PDE1C: variants seen among roughly 807,000 people sequenced by gnomAD.
PDE1C encodes the protein phosphodiesterase 1C, also known as dual specificity calcium/calmodulin-dependent 3',5'-cyclic nucleotide phosphodiesterase 1C.
Under a neutral mutation model 93.1 loss-of-function variants are expected in PDE1C, and 62 were observed. The observed-to-expected ratio is 0.67, with a 90% CI of 0.54 to 0.82. The LOEUF (loss-of-function observed/expected upper bound fraction) is 0.82. Ranked by LOEUF, PDE1C falls within the 40% of genes least tolerant of loss-of-function variation. The pLI is 0.00. For missense variants in PDE1C, 742 were observed against 884.6 expected (o/e 0.84, Z 2.04); for synonymous variants, 325 against 310.1 (o/e 1.05, Z -0.50).
At chr7:31,854,779 C>T (rs867859411) in intron 7 of PDE1C, among the ~76,000 whole-genome samples, 31 of 152,182 alleles carry the variant, frequency 2.0e-4, no homozygotes, top group Middle Eastern at 3.4e-3. Flanking sequence ...TTAAAGAACA[C>T]TTCCGGGCCT....
intron 2 of PDE1C, among the ~76,000 whole-genome samples, chr7:32,005,705 C>T (rs1367238096): frequency 6.6e-6 from 1 of 151,728 alleles, no homozygotes; most frequent in South Asian, 2.1e-4. Context: ...CTAGAAGGAA[C>T]CACACCCAAA....
chr7:31,693,463 C>T, the PDE1C span, among the ~76,000 whole-genome samples: 1 of 152,156 alleles, frequency 6.6e-6, no homozygotes, highest in African/African-American at 2.4e-5. Flanking sequence ...TCCCAAGAGG[C>T]TGGGTTTAAT....
intron 2 of PDE1C, among the ~76,000 whole-genome samples, chr7:31,985,656 G>A (rs1483529767): frequency 6.6e-6 from 1 of 151,946 alleles, no homozygotes; most frequent in Non-Finnish European, 1.5e-5. Flanking sequence ...CCACCTATGA[G>A]TGAGAACATG....
chr7:31,701,986 G>A, the PDE1C span, among the ~76,000 whole-genome samples: 1 of 152,160 alleles, frequency 6.6e-6, no homozygotes, highest in South Asian at 2.1e-4. Context: ...GGAAGAACCT[G>A]CAAGATCTCT....
chr7:31,892,175 C>T (rs1470475526), intron 2 of PDE1C, among the ~76,000 whole-genome samples: 2 of 152,156 alleles, frequency 1.3e-5, no homozygotes, highest in Non-Finnish European at 2.9e-5. Context: ...TCCTCCAGAT[C>T]CTTCGGCTTG....
intron 17 of PDE1C, among the ~76,000 whole-genome samples, chr7:31,762,932 C>T (rs1216742647): frequency 6.6e-6 from 1 of 152,096 alleles, no homozygotes; most frequent in Non-Finnish European, 1.5e-5. Context: ...TTCCATGCAA[C>T]CTGAAGTTGT....
chr7:31,823,210 C>A lies in PDE1C; in HGVS notation c.1445G>T (p.Gly482Val). The change falls in exon 14 of 18, where the codon GGT becomes GTT. Residue 482 changes from glycine to valine, a missense_variant. By Grantham distance (109) the Gly-to-Val change is moderately radical. This residue lies in a region of PDE1C where 454 missense variants were observed against 459.4 expected (regional missense o/e 0.99). Transcript: ENST00000396191. The part of the protein sequence containing the change: ...SISSSDAKRS[G>V]VKTSGSEGSA... The stretch of plus-strand genomic sequence containing the variant: ...TCCCTCTGAACCAGAGGTCTTGACA[C>A]CTGATCGCTTGGCATCTGACGAGCT... 1.2e-6 allele frequency: 2 copies of A among 1,612,230 alleles called. No individual in the cohort carries two copies. Among genetic ancestry groups the A allele is most frequent in the African/African-American group, 1.3e-5 (1 of 74,902 alleles).
At chr7:32,184,192 T>G (rs1803674017) in intron 2 of PDE1C, among the ~76,000 whole-genome samples, 2 of 152,208 alleles carry the variant, frequency 1.3e-5, no homozygotes, top group South Asian at 4.1e-4. Context: ...ACTTTTACAC[T>G]GTTGGTGGGA....
At chr7:31,675,550 G>A in the PDE1C span, among the ~76,000 whole-genome samples, 1 of 152,070 alleles carries the variant, frequency 6.6e-6, no homozygotes, top group Non-Finnish European at 1.5e-5. Flanking sequence ...GTCTCATGCA[G>A]AGTGGTTTCT....
At chr7:31,767,351 A>G (rs563778277) in intron 17 of PDE1C, among the ~76,000 whole-genome samples, 1 of 152,224 alleles carries the variant, frequency 6.6e-6, no homozygotes, top group African/African-American at 2.4e-5. Context: ...TCATGGGGGT[A>G]GATTTCCCCC....
intron 1 of PDE1C, among the ~76,000 whole-genome samples, chr7:32,324,918 C>T (rs955052745): frequency 1.3e-5 from 2 of 152,108 alleles, no homozygotes; most frequent in South Asian, 2.1e-4. Context: ...CACTGTACTC[C>T]GGCCTGGGTG....
intron 1 of PDE1C, among the ~76,000 whole-genome samples, chr7:32,289,511 ATT>A (rs2128896289): frequency 6.6e-6 from 1 of 152,356 alleles, no homozygotes; most frequent in South Asian, 2.1e-4. Context: ...AAGAAGGAAT[ATT>A]CTCTCCACCA....
chr7:31,984,180 G>A (rs758028060), intron 2 of PDE1C, among the ~76,000 whole-genome samples: 1 of 152,130 alleles, frequency 6.6e-6, no homozygotes, highest in Non-Finnish European at 1.5e-5. Context: ...AGCAGGAGGT[G>A]AGCAGCTGGC....
chr7:32,134,717 A>G (rs1800106687), intron 3 of PDE1C, among the ~76,000 whole-genome samples: 1 of 152,068 alleles, frequency 6.6e-6, no homozygotes, highest in Non-Finnish European at 1.5e-5. Flanking sequence ...ATGAGAACAC[A>G]TGGACACAGG....
intron 2 of PDE1C, among the ~76,000 whole-genome samples, chr7:32,043,925 A>C (rs1012833058): frequency 2.0e-5 from 3 of 152,204 alleles, no homozygotes; most frequent in African/African-American, 7.2e-5. Context: ...GTCACAATCC[A>C]AACTTATTTA....
intron 3 of PDE1C, among the ~76,000 whole-genome samples, chr7:32,090,505 G>C (rs1450888533): frequency 6.6e-6 from 1 of 152,178 alleles, no homozygotes; most frequent in Non-Finnish European, 1.5e-5. Context: ...ACCAATATCA[G>C]CCAAAAACCA....
At chr7:31,768,957 G>A (rs1002539305) in intron 17 of PDE1C, among the ~76,000 whole-genome samples, 5 of 152,020 alleles carry the variant, frequency 3.3e-5, no homozygotes, top group Non-Finnish European at 5.9e-5. Flanking sequence ...CACCACGCCT[G>A]GCTAATTTTT....
intron 3 of PDE1C, among the ~76,000 whole-genome samples, chr7:32,127,348 C>A (rs1411259524): frequency 2.0e-5 from 3 of 151,932 alleles, no homozygotes; most frequent in Non-Finnish European, 4.4e-5. Flanking sequence ...AGAACCCTGA[C>A]TAATACAGGC....
At chr7:31,943,989 A>G (rs1339411039) in intron 2 of PDE1C, among the ~76,000 whole-genome samples, 1 of 152,184 alleles carries the variant, frequency 6.6e-6, no homozygotes, top group Admixed American at 6.6e-5. Context: ...AGTGACTTCA[A>G]TCCCAGTCTA....
Sources: allele counts gnomAD v4.1 joint callset (sites outside exome capture counted in the v4.1 genomes callset), GRCh38; gene constraint gnomAD v4.1.1; regional missense constraint gnomAD v4.1.1; transcripts MANE v1.5; gene names NCBI Gene and HGNC (gene_info 2026-07-23, HGNC 2026-07-21).